The following NOL12 variants were observed in gnomAD, a reference collection of about 807,000 sequenced individuals.
NOL12 encodes nucleolar protein 12.
In NOL12, 21 loss-of-function variants were observed where a neutral mutation model predicts 25.2. The ratio of observed to expected loss-of-function variants is 0.83; its 90% confidence interval spans 0.59 to 1.20. The LOEUF (loss-of-function observed/expected upper bound fraction) is 1.20, where lower values mean the gene tolerates loss of function less well. NOL12 is among the 50% of genes most tolerant of loss of function. NOL12 has a pLI of 0.00. For missense variants in NOL12, 286 were observed against 287.6 expected, an observed-to-expected ratio of 0.99 and a Z score of 0.04; for synonymous variants, 133 against 113.8, an observed-to-expected ratio of 1.17 and a Z score of -1.08.
chr22:37,693,272 C>T lies in NOL12; in HGVS notation c.*1936C>T, dbSNP rs1299466319. 6.6e-6 allele frequency: 1 copy of T among 152,398 alleles called. No individual in the cohort carries two copies. The highest frequency in any genetic ancestry group is 6.5e-5 in the Admixed American group (1 of 15,272). The allele number at this position is 152,398 out of a possible 1,614,324, so 9.4% of individuals were successfully genotyped here. On this transcript the variant is annotated 3_prime_UTR_variant, in exon 6 of 6. Coordinates refer to ENST00000359114, the MANE Select transcript of NOL12 (RefSeq NM_024313.3). ...CAGATACCTACCTCTTAGGGCTGCC[C>T]CGAGACTAAAATAAGACCATGTGCA...
intron 5 of NOL12, 129 bp downstream of exon 5, chr22:37,690,923 T>C: frequency 1.4e-6 from 1 of 728,576 alleles, no homozygotes; most frequent in Middle Eastern, 3.8e-4. Context: ...ATCCTCTGCC[T>C]CTCCTCATTG....
At chr22:37,687,246 G>T in intron 1 of NOL12, 1 of 258,686 alleles carries the variant, frequency 3.9e-6, no homozygotes, top group Non-Finnish European at 5.9e-6. Context: ...GTTACCTCAT[G>T]TACTGTGTGT....
intron 4 of NOL12, among the ~76,000 whole-genome samples, chr22:37,689,766 G>A (rs1285831210): frequency 2.6e-5 from 4 of 151,864 alleles, no homozygotes; most frequent in African/African-American, 4.8e-5. Context: ...GGTGGCTCAC[G>A]CCTGTAATCC....
chr22:37,690,874 C>A, intron 5 of NOL12, 80 bp downstream of exon 5: 2 of 1,064,820 alleles, frequency 1.9e-6, no homozygotes, highest in South Asian at 1.4e-5. Flanking sequence ...TGGTGTGGAG[C>A]AGGTGTAGGG....
intron 1 of NOL12, among the ~76,000 whole-genome samples, chr22:37,687,392 C>G (rs12158815): frequency 6.6e-6 from 1 of 152,004 alleles, no homozygotes; most frequent in Admixed American, 6.6e-5. Flanking sequence ...GGCAAGTAAC[C>G]TAGACTCTGT....
intron 3 of NOL12, among the ~76,000 whole-genome samples, chr22:37,688,592 G>A (rs1257186061): frequency 6.6e-6 from 1 of 152,152 alleles, no homozygotes; most frequent in Admixed American, 6.5e-5. Context: ...TTTTAAGGAT[G>A]GAAAGGACTA....
At chr22:37,687,630 G>A (rs1322642634) in intron 1 of NOL12, among the ~76,000 whole-genome samples, 1 of 152,144 alleles carries the variant, frequency 6.6e-6, no homozygotes, top group Non-Finnish European at 1.5e-5. Context: ...GCTAATTTTT[G>A]TGTTTTTAGT....
At chr22:37,687,348 T>A (rs1291874116) in intron 1 of NOL12, among the ~76,000 whole-genome samples, 4 of 146,640 alleles carry the variant, frequency 2.7e-5, no homozygotes, top group African/African-American at 1.0e-4. Flanking sequence ...AGTATCTCCC[T>A]TATTTTCCTA....
rs532428172 is a variant in NOL12, at chr22:37,693,027, T to A, written c.*1691T>A. 6.1e-5 allele frequency: 16 copies of A among 262,652 alleles called. 1 individual carries two copies. The South Asian group carries it at 2.6e-3, about 42-fold the overall frequency. 16.3% of individuals were successfully genotyped at this position (262,652 alleles called of 1,614,324 possible). ...ACCAAGTTGTCTTCCCCGGGTGGCA[T>A]GTGCCACTTGGCTGCCTCGTGCCTG... On this transcript the variant is annotated 3_prime_UTR_variant, in exon 6 of 6. Transcript: ENST00000359114.
chr22:37,690,842 A>G (rs935743025), intron 5 of NOL12, 48 bp downstream of exon 5: 1 of 1,395,342 alleles, frequency 7.2e-7, no homozygotes, highest in Non-Finnish European at 1.0e-6. Flanking sequence ...CCTGGCTGGC[A>G]GTAGTGACCT....
At chr22:37,686,917 G>A (rs1250517605) in intron 1 of NOL12, 2 of 985,454 alleles carry the variant, frequency 2.0e-6, no homozygotes, top group East Asian at 2.3e-4. Context: ...GAGCCTCAGC[G>A]TCTGGCCAGA....
chr22:37,686,559 G>A (rs1569023786), intron 1 of NOL12, 84 bp downstream of exon 1: 1 of 1,429,406 alleles, frequency 7.0e-7, no homozygotes, highest in Middle Eastern at 1.8e-4. Context: ...GCTCCCGCCG[G>A]GGGCTCTTCC....
rs2145800677 is a variant in NOL12 at position 37,693,250 on chromosome 22, ATACCTACCTC to A, written c.*1916_*1925del. 6.6e-6 allele frequency: 1 copy of A among 152,556 alleles called. No homozygotes were observed. Among genetic ancestry groups the A allele is most frequent in the East Asian group, 1.9e-4 (1 of 5,202 alleles). The allele number at this position is 152,556 out of a possible 1,614,324, so 9.5% of individuals were successfully genotyped here. A position where few individuals can be genotyped will look rare whatever the true frequency, so the allele number is the denominator to read the frequency against. On this transcript the variant is annotated 3_prime_UTR_variant, in exon 6 of 6. Transcript: ENST00000359114. ...CTCGTCATGTGTAAGGTGACACCAGATACCTACCTCTTAGGGCTGCCCCGAGACTAAAATA... is the reference window on the plus strand; with the variant it reads ...CTCGTCATGTGTAAGGTGACACCAGATTAGGGCTGCCCCGAGACTAAAATA...
In NOL12 at chr22:37,692,616, T is replaced by C. The variant is rs1922120593; in HGVS notation, c.*1280T>C. ...TAGGACCACAAAGGGGAGTGAACTG[T>C]GTTCCCAGGGCTTGCTGACGCCCGT... On this transcript the variant is annotated 3_prime_UTR_variant, in exon 6 of 6. Transcript: ENST00000359114. 1 of 398,758 alleles carries C rather than the reference T, an allele frequency of 2.5e-6. No homozygotes were observed. Among genetic ancestry groups the C allele is most frequent in the Non-Finnish European group, 4.4e-6 (1 of 226,162 alleles). 24.7% of individuals were successfully genotyped at this position (398,758 alleles called of 1,614,324 possible). A position where few individuals can be genotyped will look rare whatever the true frequency, so the allele number is the denominator to read the frequency against.
Position 37,691,355 on chromosome 22 carries a change from G to T in NOL12, c.*19G>T. ...GGAGTGAGACCGAGAACGAAGCGGT[G>T]CCCCAGTCTAGGCTGCGGGGACCTG... is the stretch of plus-strand genomic sequence containing the variant. On this transcript the variant is annotated 3_prime_UTR_variant, in exon 6 of 6. Coordinates refer to ENST00000359114, the MANE Select transcript of NOL12 (RefSeq NM_024313.3). 1 of 1,593,158 alleles carries T rather than the reference G, an allele frequency of 6.3e-7. No homozygotes were observed. The highest frequency in any genetic ancestry group is 1.1e-5 in the South Asian group (1 of 89,270).
At chr22:37,688,760 G>A in intron 3 of NOL12, 90 bp from the exon 4 acceptor site, 2 of 1,364,880 alleles carry the variant, frequency 1.5e-6, no homozygotes, top group Non-Finnish European at 2.1e-6. Flanking sequence ...CCACAGAGTA[G>A]AGGGGGCACT....
chr22:37,691,100 C>T, intron 5 of NOL12, 74 bp from the exon 6 acceptor site: 4 of 1,509,140 alleles, frequency 2.7e-6, no homozygotes, highest in Non-Finnish European at 3.6e-6. Context: ...CCTGTCCTGA[C>T]ATCCCCTCCG....
At chr22:37,689,567 G>A (rs1474697458) in intron 4 of NOL12, among the ~76,000 whole-genome samples, 2 of 152,188 alleles carry the variant, frequency 1.3e-5, no homozygotes. Flanking sequence ...ATATCCGAAA[G>A]TGTCATGTTA....
chr22:37,691,115 C>A (rs913024204), intron 5 of NOL12, 59 bp from the exon 6 acceptor site: 3 of 1,530,878 alleles, frequency 2.0e-6, no homozygotes, highest in African/African-American at 1.4e-5. Flanking sequence ...CCTCCGTGAG[C>A]CAGGTGGTGA....
Sources: allele counts gnomAD v4.1 joint callset (sites outside exome capture counted in the v4.1 genomes callset), GRCh38; gene constraint gnomAD v4.1.1; transcripts MANE v1.5; gene names NCBI Gene and HGNC (gene_info 2026-07-23, HGNC 2026-07-21).